RNF220: variants seen among roughly 807,000 people sequenced by gnomAD.
The protein encoded by RNF220 is ring finger protein 220.
In RNF220, 7 loss-of-function variants were observed where a neutral mutation model predicts 67.1. That is an observed-to-expected ratio of 0.10 (90% CI 0.06 to 0.20). The LOEUF is 0.20. Ranked by LOEUF, RNF220 falls within the 10% of genes least tolerant of loss-of-function variation. The pLI, the probability that RNF220 is intolerant of heterozygous loss-of-function variation, is 1.00. For synonymous variants in RNF220, 270 were observed against 283.2 expected (o/e 0.95, Z 0.47); for missense variants, 565 against 740.3 (o/e 0.76, Z 2.75).
chr1:44,473,781 C>T (rs1655029015), intron 2 of RNF220, among the ~76,000 whole-genome samples: 1 of 152,106 alleles, frequency 6.6e-6, no homozygotes, highest in Non-Finnish European at 1.5e-5. Context: ...AACTTACATG[C>T]CTGGTTAACC....
intron 4 of RNF220, among the ~76,000 whole-genome samples, chr1:44,623,559 G>T (rs1274533522): frequency 6.6e-6 from 1 of 152,212 alleles, no homozygotes; most frequent in Non-Finnish European, 1.5e-5. Flanking sequence ...CTCGGTAGAA[G>T]ACTGCATCCT....
chr1:44,421,594 T>G (rs1572444797), intron 2 of RNF220, among the ~76,000 whole-genome samples: 3 of 12,640 alleles, frequency 2.4e-4, no homozygotes, highest in East Asian at 1.9e-3. Flanking sequence ...AGGACTGAGA[T>G]GGGGGGGCTG....
intron 1 of RNF220, among the ~76,000 whole-genome samples, chr1:44,407,304 G>A (rs2147789442): frequency 1.3e-5 from 2 of 152,308 alleles, no homozygotes; most frequent in Middle Eastern, 3.4e-3. Context: ...AGAAAAAAAA[G>A]GGCGGCAGTG....
chr1:44,443,722 C>G (rs182379517), intron 2 of RNF220, among the ~76,000 whole-genome samples: 2 of 152,174 alleles, frequency 1.3e-5, no homozygotes, highest in East Asian at 3.9e-4. Context: ...TGCATACATA[C>G]AGAAAGGTGC....
chr1:44,429,781 G>C (rs771896072), intron 2 of RNF220, among the ~76,000 whole-genome samples: 6 of 152,220 alleles, frequency 3.9e-5, no homozygotes, highest in Non-Finnish European at 8.8e-5. Flanking sequence ...TAAGGCAGCA[G>C]CAGAGTCTCT....
intron 2 of RNF220, among the ~76,000 whole-genome samples, chr1:44,529,029 T>G: frequency 6.6e-6 from 1 of 152,228 alleles, no homozygotes; most frequent in Non-Finnish European, 1.5e-5. Context: ...TAGAAGCAAT[T>G]TTGTAATGTG....
At chr1:44,447,281 T>C (rs1388718988) in intron 2 of RNF220, among the ~76,000 whole-genome samples, 3 of 152,228 alleles carry the variant, frequency 2.0e-5, no homozygotes, top group African/African-American at 4.8e-5. Flanking sequence ...CCTGAGCTAG[T>C]TGCTTAATAT....
At chr1:44,489,478 A>G (rs556749126) in intron 2 of RNF220, among the ~76,000 whole-genome samples, 4 of 152,336 alleles carry the variant, frequency 2.6e-5, no homozygotes, top group South Asian at 2.1e-4. Flanking sequence ...CTGTTATACA[A>G]TTGTTCATGC....
At chr1:44,586,580 C>T (rs749412774) in intron 2 of RNF220, among the ~76,000 whole-genome samples, 1 of 151,970 alleles carries the variant, frequency 6.6e-6, no homozygotes, top group Non-Finnish European at 1.5e-5. Context: ...GGAAATGAGG[C>T]GACAGGCACA....
chr1:44,503,359 G>A (rs1013135503), intron 2 of RNF220, among the ~76,000 whole-genome samples: 13 of 133,452 alleles, frequency 9.7e-5, no homozygotes, highest in African/African-American at 3.6e-4. Flanking sequence ...AAAAAAAGAA[G>A]CGTTTACCAA....
chr1:44,644,818 C>T lies in RNF220; in HGVS notation c.1223+24C>T, dbSNP rs751266675. ...CAGTATCCTTGGAGCACTATGGGGG[C>T]TGGTGGGGCTGATAGGGCAGGCACA... On this transcript the variant is annotated intron_variant, in intron 9 of 14. Transcript: ENST00000361799. The T allele has an allele frequency of 7.6e-6, 12 of 1,588,484 alleles. No individual in the cohort carries two copies. The Admixed American group carries it at 2.0e-4, about 26-fold the overall frequency.
At chr1:44,626,454 A>T in intron 5 of RNF220, 56 bp downstream of exon 5, 1 of 1,376,352 alleles carries the variant, frequency 7.3e-7, no homozygotes, top group Non-Finnish European at 1.0e-6. Context: ...GGAGGGCTTC[A>T]AGAGCCTGCC....
intron 1 of RNF220, among the ~76,000 whole-genome samples, chr1:44,406,864 A>G (rs1260320040): frequency 6.6e-6 from 1 of 152,258 alleles, no homozygotes; most frequent in Non-Finnish European, 1.5e-5. Context: ...TGCCCGGTTC[A>G]TCCCCCAGTC....
chr1:44,558,732 G>A (rs867942958), intron 2 of RNF220, among the ~76,000 whole-genome samples: 1 of 152,166 alleles, frequency 6.6e-6, no homozygotes, highest in Non-Finnish European at 1.5e-5. Context: ...TTACTCCAAA[G>A]CCTGTGTTTT....
At chr1:44,617,265 C>A (rs1221421937) in intron 3 of RNF220, among the ~76,000 whole-genome samples, 1 of 152,142 alleles carries the variant, frequency 6.6e-6, no homozygotes. Context: ...GTCTCGGCCC[C>A]GCCGCGCCCG....
At chr1:44,519,537 C>T (rs1016999249) in intron 2 of RNF220, among the ~76,000 whole-genome samples, 2 of 152,006 alleles carry the variant, frequency 1.3e-5, no homozygotes, top group African/African-American at 2.4e-5. Flanking sequence ...AAAGGGTGTT[C>T]GAAGCAGAGG....
intron 2 of RNF220, among the ~76,000 whole-genome samples, chr1:44,493,525 T>C (rs560719245): frequency 7.4e-6 from 1 of 136,046 alleles, no homozygotes; most frequent in South Asian, 2.7e-4. Context: ...AAAAAATAAA[T>C]AAATAAAATA....
At chr1:44,632,172 C>T (rs779233946) in intron 5 of RNF220, 171 bp from the exon 6 acceptor site, 65 of 1,561,640 alleles carry the variant, frequency 4.2e-5, no homozygotes, top group Non-Finnish European at 5.6e-5. Context: ...GAGCCCGGAG[C>T]GGCCGGAGGA....
chr1:44,488,387 C>A lies in RNF220; in HGVS notation c.625+75665C>A, dbSNP rs190285178. 5.9e-3 allele frequency among the ~76,000 whole-genome samples: 893 copies of A among 152,332 alleles called. 9 individuals are homozygous for A. Among genetic ancestry groups the A allele is most frequent in the African/African-American group, 0.02 (847 of 41,586 alleles). ...CAGGTGATCCACCCGCCTCAGCCCC[C>A]CAAAGTGCTGGGATTACAGGCGTGA... On this transcript the variant is annotated intron_variant, in intron 2 of 14. Coordinates refer to ENST00000361799, the MANE Select transcript of RNF220 (RefSeq NM_018150.4).
Sources: allele counts gnomAD v4.1 joint callset (sites outside exome capture counted in the v4.1 genomes callset), GRCh38; gene constraint gnomAD v4.1.1; transcripts MANE v1.5; gene names NCBI Gene and HGNC (gene_info 2026-07-23, HGNC 2026-07-21).